Variants in ANKDD1B observed in about 807,000 individuals in gnomAD.
The protein encoded by ANKDD1B is ankyrin repeat and death domain-containing protein 1B.
A neutral mutation model predicts 59.7 loss-of-function variants in ANKDD1B; 57 were observed. The observed-to-expected ratio is 0.95, with a 90% CI of 0.77 to 1.19. The LOEUF (loss-of-function observed/expected upper bound fraction) is 1.19. ANKDD1B is among the 50% of genes most tolerant of loss of function. ANKDD1B has a pLI of 0.00. For synonymous variants in ANKDD1B, 216 were observed against 239.5 expected (o/e 0.90, Z 0.91); for missense variants, 602 against 641.9 (o/e 0.94, Z 0.67).
chr5:75,670,047 C>T (rs893362953), intron 13 of ANKDD1B, among the ~76,000 whole-genome samples: 3 of 152,192 alleles, frequency 2.0e-5, no homozygotes, highest in Non-Finnish European at 2.9e-5. Context: ...GAGTGAACAC[C>T]GACTGATCCA....
chr5:75,660,700 A>G (rs1032257350), intron 10 of ANKDD1B, among the ~76,000 whole-genome samples: 3 of 152,202 alleles, frequency 2.0e-5, no homozygotes, highest in South Asian at 4.1e-4. Flanking sequence ...CACGCAGGCC[A>G]TATTACTTCA....
chr5:75,646,828 T>G (rs1321069537), intron 7 of ANKDD1B, among the ~76,000 whole-genome samples: 2 of 112,728 alleles, frequency 1.8e-5, no homozygotes, highest in Non-Finnish European at 1.6e-5. Context: ...GCTGGAGGCA[T>G]CACACTACCT....
At chr5:75,653,457 A>G (rs1266997736) in intron 8 of ANKDD1B, among the ~76,000 whole-genome samples, 1 of 152,244 alleles carries the variant, frequency 6.6e-6, no homozygotes, top group Non-Finnish European at 1.5e-5. Flanking sequence ...GTTCCTGAAC[A>G]AAATGAAATC....
chr5:75,666,021 T>C (rs917100333), intron 11 of ANKDD1B, among the ~76,000 whole-genome samples: 2 of 152,222 alleles, frequency 1.3e-5, no homozygotes, highest in Non-Finnish European at 2.9e-5. Context: ...GAGGATTACC[T>C]GGAGGCCTAG....
rs1216097884 is a variant in ANKDD1B at position 75,652,219 on chromosome 5, C to T, written c.799-923C>T. Among the ~76,000 whole-genome samples the T allele has an allele frequency of 5.3e-5, 8 of 152,258 alleles. No individual in the cohort carries two copies. In the South Asian group the frequency reaches 8.3e-4, roughly 16 times the overall value. ...CAACAACGAATTACCTAATAACCTC[C>T]GAAAGTCCCCACCTCCTATCATCAT... On this transcript the variant is annotated intron_variant, in intron 7 of 13. Coordinates refer to ENST00000601380, the MANE Select transcript of ANKDD1B (RefSeq NM_001276713.2).
At chr5:75,638,146 G>T (rs977257499) in intron 7 of ANKDD1B, among the ~76,000 whole-genome samples, 2 of 152,106 alleles carry the variant, frequency 1.3e-5, no homozygotes, top group African/African-American at 4.8e-5. Context: ...TATAGTCTTA[G>T]TTATTTATAG....
At position 75,648,270 on chromosome 5, in the gene ANKDD1B, A is replaced by AAAAAAAAAATT. The variant is rs1554068891; in HGVS notation, c.799-4863_799-4862insTTAAAAAAAAA. Among the ~76,000 whole-genome samples the AAAAAAAAAATT allele has an allele frequency of 7.2e-3, 637 of 88,068 alleles. 4 individuals carry two copies. The highest frequency in any genetic ancestry group is 0.017 in the Middle Eastern group (3 of 178). 57.8% of individuals were successfully genotyped at this position (88,068 alleles called of 152,430 possible). A position where few individuals can be genotyped will look rare whatever the true frequency, so the allele number is the denominator to read the frequency against. On this transcript the variant is annotated intron_variant, in intron 7 of 13. Coordinates refer to ENST00000601380, the MANE Select transcript of ANKDD1B (RefSeq NM_001276713.2). ...AGTATAATTAAAAAAAAAAAATTAA[A>AAAAAAAAAATT]AAAAAAAAAAAAAGAATTCATGGGA...
rs780764128 is a variant in ANKDD1B, at chr5:75,625,949, T to G, written c.594T>G (p.Pro198=). The G allele has an allele frequency of 2.8e-5, 43 of 1,534,014 alleles. No individual in the cohort carries two copies. Among genetic ancestry groups the G allele is most frequent in the Non-Finnish European group, 3.8e-5 (43 of 1,145,082 alleles). The change falls in exon 5 of 14, where the codon CCT becomes CCG. Residue 198 remains proline, a synonymous_variant. Coordinates refer to ENST00000601380, the MANE Select transcript of ANKDD1B (RefSeq NM_001276713.2). ...TGCACCTCAAGGACCTGAACCAGCC[T>G]GATGAGGTGTGTTCACTTTGGTTGT... is the stretch of plus-strand genomic sequence containing the variant. ...QDLHLKDLNQ[P]DEKGRKPFLL...
At chr5:75,654,979 C>T (rs770072020) in intron 8 of ANKDD1B, among the ~76,000 whole-genome samples, 160 of 152,170 alleles carry the variant, frequency 1.1e-3, no homozygotes, top group Non-Finnish European at 2.0e-3. Flanking sequence ...TGCCCCTCAC[C>T]TCCCTCTCTC....
chr5:75,616,128 T>C (rs911463140), intron 1 of ANKDD1B, among the ~76,000 whole-genome samples: 3 of 152,172 alleles, frequency 2.0e-5, no homozygotes, highest in Non-Finnish European at 4.4e-5. Flanking sequence ...TTACCCCTTA[T>C]GTTGGGCTGT....
chr5:75,670,186 A>C (rs914720334), intron 13 of ANKDD1B, among the ~76,000 whole-genome samples: 1 of 152,186 alleles, frequency 6.6e-6, no homozygotes, highest in African/African-American at 2.4e-5. Context: ...AATACTCACC[A>C]GTGGTGCTTG....
chr5:75,652,716 G>T (rs1774863910), intron 7 of ANKDD1B, among the ~76,000 whole-genome samples: 1 of 152,250 alleles, frequency 6.6e-6, no homozygotes, highest in Non-Finnish European at 1.5e-5. Context: ...TAGAATTGCA[G>T]GCATGAGCCA....
Position 75,669,305 on chromosome 5 carries a change from G to A in ANKDD1B, c.1447G>A (p.Gly483Arg), listed in dbSNP as rs1032810000. The change falls in exon 13 of 14, where the codon GGG becomes AGG. Residue 483 changes from glycine to arginine, a missense_variant. By Grantham distance (125) the Gly-to-Arg change is moderately radical. Around this residue, in one of 3 missense-constraint regions of ANKDD1B, gnomAD observed 280 missense variants for 319.8 expected, o/e 0.88. Transcript: ENST00000601380. ...GHRALLIWLH[G>R]TLMTQGDPAK... ...CAGGGCTCTGCTTATCTGGCTACAC[G>A]GGACCCTGATGACTCAGGGTGACCC... The A allele has an allele frequency of 7.3e-6, 9 of 1,232,108 alleles. No individual in the cohort carries two copies. The Middle Eastern group carries it at 9.4e-4, about 128-fold the overall frequency. The allele number at this position is 1,232,108 out of a possible 1,614,324, so 76.3% of individuals were successfully genotyped here.
At chr5:75,636,012 T>C in intron 7 of ANKDD1B, 130 bp downstream of exon 7, 1 of 545,470 alleles carries the variant, frequency 1.8e-6, no homozygotes, top group East Asian at 3.1e-5. Context: ...TGCTGAAAGA[T>C]TCTTACTTTA....
At chr5:75,662,906 T>C (rs1775197638) in intron 10 of ANKDD1B, among the ~76,000 whole-genome samples, 1 of 152,100 alleles carries the variant, frequency 6.6e-6, no homozygotes, top group Non-Finnish European at 1.5e-5. Flanking sequence ...TTGATATTAT[T>C]CTTAATAAGA....
intron 7 of ANKDD1B, 73 bp from the exon 8 acceptor site, chr5:75,653,069 A>G (rs1454263601): frequency 2.0e-6 from 2 of 1,004,040 alleles, no homozygotes; most frequent in African/African-American, 3.2e-5. Context: ...ACTGATTACC[A>G]TGTCATAAAC....
intron 1 of ANKDD1B, among the ~76,000 whole-genome samples, chr5:75,615,434 C>T (rs772031705): frequency 2.6e-5 from 4 of 151,938 alleles, no homozygotes; most frequent in East Asian, 1.9e-4. Context: ...GGGGTAGGAA[C>T]GAAGAGAAGG....
rs1773814931 is a variant in ANKDD1B, at chr5:75,620,366, G to A, written c.349G>A (p.Val117Met). The change falls in exon 3 of 14, where the codon GTG becomes ATG. Residue 117 changes from valine (V) to methionine (M), a missense_variant. Physicochemically the swap from Val to Met is conservative, Grantham distance 21. Transcript: ENST00000601380. The stretch of plus-strand genomic sequence containing the variant: ...AGTGGGGAGAAATCATTTATCTGCA[G>A]TGGATTTCTTGCTTAAACACAAGGC... ...FAVGRNHLSA[V>M]DFLLKHKARV... is the part of the protein sequence containing the mutation. 6.5e-7 allele frequency: 1 copy of A among 1,535,652 alleles called. No homozygotes were observed. Among genetic ancestry groups the A allele is most frequent in the Non-Finnish European group, 8.7e-7 (1 of 1,146,488 alleles).
intron 7 of ANKDD1B, 143 bp from the exon 8 acceptor site, chr5:75,652,999 T>A: frequency 1.5e-6 from 1 of 655,176 alleles, no homozygotes; most frequent in South Asian, 1.8e-5. Context: ...TTCAAGTCTG[T>A]CATTGACCAA....
Sources: gnomAD v4.1 joint callset for allele counts (sites outside exome capture counted in the v4.1 genomes callset) on GRCh38, gnomAD v4.1.1 for gene constraint, gnomAD v4.1.1 regional missense constraint, MANE v1.5 for transcripts, NCBI Gene and HGNC (gene_info 2026-07-23, HGNC 2026-07-21) for gene names.